CDK5RAP3: variants seen among roughly 807,000 people sequenced by gnomAD.
CDK5RAP3 encodes CDK5 regulatory subunit-associated protein 3.
Under a neutral mutation model 73.3 loss-of-function variants are expected in CDK5RAP3, and 58 were observed. That is an observed-to-expected ratio of 0.79 (90% CI 0.64 to 0.98). The LOEUF (loss-of-function observed/expected upper bound fraction) is 0.98, where lower values mean the gene tolerates loss of function less well. Ranked by LOEUF, CDK5RAP3 falls within the 50% of genes least tolerant of loss-of-function variation. CDK5RAP3 has a pLI of 0.00. For synonymous variants in CDK5RAP3, 224 were observed against 247.5 expected (o/e 0.91, Z 0.89); for missense variants, 525 against 615.8 (o/e 0.85, Z 1.56).
At position 47,975,925 on chromosome 17, in the gene CDK5RAP3, C is replaced by T. The variant is rs61752524; in HGVS notation, c.710C>T (p.Thr237Met). ...LRFVQKRGNS[T>M]VYEWRTGTEP... ...TTCGTGCAGAAGCGGGGAAACTCAACGGTGTACGAGTGGAGGACAGGGACA... is the reference window on the plus strand; with the variant it reads ...TTCGTGCAGAAGCGGGGAAACTCAATGGTGTACGAGTGGAGGACAGGGACA... Residue 237 changes from threonine to methionine, a missense_variant, in exon 8 of 14, where the codon ACG becomes ATG. Around this residue, in one of 2 missense-constraint regions of CDK5RAP3, gnomAD observed 409 missense variants for 429.8 expected, o/e 0.95. Transcript: ENST00000338399. 1.6e-3 allele frequency: 2,652 copies of T among 1,614,160 alleles called. 38 individuals carry two copies. The African/African-American group carries it at 0.03, about 19-fold the overall frequency.
In CDK5RAP3 at chr17:47,973,573, C is replaced by T. The variant is rs766327460; in HGVS notation, c.107C>T (p.Thr36Met). The change falls in exon 3 of 14, where the codon ACG (threonine) becomes ATG (methionine). Residue 36 changes from threonine to methionine, a missense_variant. Physicochemically the swap from Thr to Met is moderately conservative, Grantham distance 81. Transcript: ENST00000338399. ...CSLKWQSLVL[T>M]IREKINAAIQ... ...CTGAAATGGCAGAGTCTGGTGCTGA[C>T]GATCCGCGAGAAGATCAATGCTGCC... 12 of 1,614,010 alleles carry T rather than the reference C, an allele frequency of 7.4e-6. No individual in the cohort carries two copies. The highest frequency in any genetic ancestry group is 3.3e-4 in the Middle Eastern group (2 of 6,084).
chr17:47,970,908 CGTCTCCAATTGGCT>C, upstream of CDK5RAP3: 6 of 1,444,112 alleles, frequency 4.2e-6, no homozygotes, highest in Non-Finnish European at 5.4e-6. Flanking sequence ...GCCCGCCTCG[CGTCTCCAATTGGCT>C]GTCTCCATTC....
At chr17:47,980,171 C>G (rs2036517869) in intron 11 of CDK5RAP3, 1 of 221,330 alleles carries the variant, frequency 4.5e-6, no homozygotes, top group South Asian at 6.1e-5. Flanking sequence ...AACTCCTTAC[C>G]CAGAGTCTAG....
intron 11 of CDK5RAP3, 139 bp downstream of exon 11, chr17:47,979,056 A>C: frequency 1.5e-6 from 1 of 661,460 alleles, no homozygotes; most frequent in African/African-American, 1.8e-5. Flanking sequence ...AGCCTCACGT[A>C]TTAGATGCCT....
At chr17:47,973,760 C>A in intron 3 of CDK5RAP3, 110 bp downstream of exon 3, 1 of 1,422,256 alleles carries the variant, frequency 7.0e-7, no homozygotes, top group Non-Finnish European at 9.7e-7. Context: ...AGAGAGGGAG[C>A]GATTTTTATT....
At chr17:47,976,074 C>A in intron 8 of CDK5RAP3, 61 bp downstream of exon 8, 2 of 1,560,398 alleles carry the variant, frequency 1.3e-6, no homozygotes, top group South Asian at 1.2e-5. Flanking sequence ...CCCCTCCCCA[C>A]CCCCAACAGC....
rs560190393 is a variant in CDK5RAP3, at chr17:47,971,163, A to C, written c.6+11A>C. 1 of 1,547,572 alleles carries C rather than the reference A, an allele frequency of 6.5e-7. No individual in the cohort carries two copies. Among genetic ancestry groups the C allele is most frequent in the African/African-American group, 1.4e-5 (1 of 73,160 alleles). ...GGAGGAAAGATGGAGGTGTGGGGAC[A>C]GGAGCTGGGTGTGCTGGGGACTGGC... On this transcript the variant is annotated intron_variant, in intron 1 of 13. Transcript: ENST00000338399.
intron 8 of CDK5RAP3, chr17:47,976,320 A>G (rs1598224106): frequency 5.0e-6 from 2 of 403,012 alleles, no homozygotes; most frequent in Non-Finnish European, 9.0e-6. Flanking sequence ...TCTCTACAGA[A>G]GCAGCTGAGG....
chr17:47,971,313 C>G (rs1217597189), intron 1 of CDK5RAP3, 49 bp from the exon 2 acceptor site: 1 of 1,587,522 alleles, frequency 6.3e-7, no homozygotes, highest in Admixed American at 1.8e-5. Flanking sequence ...GCGAGTGGTA[C>G]GTCCTCTCTC....
upstream of CDK5RAP3, chr17:47,970,778 A>T: frequency 6.7e-7 from 1 of 1,494,098 alleles, no homozygotes; most frequent in Non-Finnish European, 9.0e-7. Context: ...AGACGTCTCA[A>T]TCTGCGTGGA....
intron 2 of CDK5RAP3, among the ~76,000 whole-genome samples, chr17:47,972,093 GA>G (rs11448169): frequency 0.056 from 8,126 of 146,046 alleles, 272 homozygotes; most frequent in African/African-American, 0.095. Flanking sequence ...ATTATGCCAG[GA>G]AAAAAAAAAA....
upstream of CDK5RAP3, chr17:47,970,629 A>G: frequency 2.0e-6 from 3 of 1,532,326 alleles, no homozygotes; most frequent in Non-Finnish European, 2.6e-6. Context: ...AACCATGTCT[A>G]TTAGAGAAAC....
At chr17:47,973,871 G>A in intron 3 of CDK5RAP3, 60 bp from the exon 4 acceptor site, 1 of 1,363,296 alleles carries the variant, frequency 7.3e-7, no homozygotes, top group East Asian at 2.3e-5. Context: ...GCCACCTGCA[G>A]TGCCCAGAGT....
upstream of CDK5RAP3, chr17:47,970,730 G>T (rs914462917): frequency 3.3e-6 from 5 of 1,535,062 alleles, no homozygotes; most frequent in Admixed American, 9.8e-5. Flanking sequence ...GAAGGTATTT[G>T]CAACGGCCTC....
intron 10 of CDK5RAP3, chr17:47,978,587 C>G (rs1042019230): frequency 3.9e-6 from 2 of 507,924 alleles, no homozygotes; most frequent in South Asian, 5.1e-5. Flanking sequence ...GAGCAGAGAG[C>G]CGGCCTTTCT....
At position 47,975,605 on chromosome 17, in the gene CDK5RAP3, G is replaced by T. The variant is rs1282100598; in HGVS notation, c.605G>T (p.Gly202Val). 2 of 1,608,270 alleles carry T rather than the reference G, an allele frequency of 1.2e-6. No individual in the cohort carries two copies. The highest frequency in any genetic ancestry group is 1.1e-5 in the South Asian group (1 of 91,078). Residue 202 changes from glycine (G) to valine (V), a missense_variant, in exon 7 of 14, where the codon GGG becomes GTG. Coordinates refer to ENST00000338399, the MANE Select transcript of CDK5RAP3 (RefSeq NM_176096.3). Reference protein sequence around the residue: ...EIGAAAQQSLGEAIDVYQASV... With the variant: ...EIGAAAQQSLVEAIDVYQASV... Reference sequence around the variant, plus strand: ...GGGGCAGCGGCTCAGCAGTCCCTGGGGGAAGCCATTGACGTGTACCAGGCG... The same window carrying T: ...GGGGCAGCGGCTCAGCAGTCCCTGGTGGAAGCCATTGACGTGTACCAGGCG...
chr17:47,980,226 A>C (rs2036519176), intron 11 of CDK5RAP3: 1 of 273,788 alleles, frequency 3.7e-6, no homozygotes, highest in Non-Finnish European at 7.2e-6. Context: ...GAGGGCTTAG[A>C]TTCTGAGTTC....
intron 11 of CDK5RAP3, 169 bp from the exon 12 acceptor site, chr17:47,980,424 A>G (rs2036524360): frequency 1.5e-6 from 1 of 672,318 alleles, no homozygotes; most frequent in Non-Finnish European, 2.7e-6. Context: ...ATACACCACC[A>G]TGTTTGGCTA....
At chr17:47,980,906 A>G in intron 12 of CDK5RAP3, 108 bp downstream of exon 12, 1 of 1,187,230 alleles carries the variant, frequency 8.4e-7, no homozygotes, top group South Asian at 1.4e-5. Flanking sequence ...CCTCCTGGCC[A>G]TTGCCATCCA....
Sources: allele counts gnomAD v4.1 joint callset (sites outside exome capture counted in the v4.1 genomes callset), GRCh38; gene constraint gnomAD v4.1.1; regional missense constraint gnomAD v4.1.1; transcripts MANE v1.5; gene names NCBI Gene and HGNC (gene_info 2026-07-23, HGNC 2026-07-21).